The following PLA2G4A variants were observed in gnomAD, a reference collection of about 807,000 sequenced individuals.
PLA2G4A encodes cytosolic phospholipase A2.
In PLA2G4A, 40 loss-of-function variants were observed where a neutral mutation model predicts 81.9. That is an observed-to-expected ratio of 0.49 (90% confidence interval 0.38 to 0.64). PLA2G4A has a LOEUF of 0.64. PLA2G4A is among the 30% of genes least tolerant of loss of function. PLA2G4A has a pLI of 0.00. For synonymous variants in PLA2G4A, 302 were observed against 296.9 expected, an observed-to-expected ratio of 1.02 and a Z score of -0.18; for missense variants, 715 against 905.1, an observed-to-expected ratio of 0.79 and a Z score of 2.69.
intron 2 of PLA2G4A, among the ~76,000 whole-genome samples, chr1:186,860,467 T>G (rs1652758173): frequency 1.3e-5 from 2 of 152,146 alleles, no homozygotes; most frequent in African/African-American, 4.8e-5. Context: ...TTCTTCCTTC[T>G]TCCACCTCTG....
At chr1:186,916,011 G>A (rs138163093) in intron 7 of PLA2G4A, among the ~76,000 whole-genome samples, 1 of 152,046 alleles carries the variant, frequency 6.6e-6, no homozygotes, top group African/African-American at 2.4e-5. Flanking sequence ...ATCCTGTTAC[G>A]GTTCCTCCAC....
intron 14 of PLA2G4A, among the ~76,000 whole-genome samples, chr1:186,961,638 A>G (rs1254283784): frequency 2.0e-5 from 3 of 152,194 alleles, no homozygotes; most frequent in African/African-American, 7.2e-5. Flanking sequence ...GGATTTAAGA[A>G]AGGATAAAAG....
chr1:186,829,094 C>T (rs959700410), intron 1 of PLA2G4A, 59 bp downstream of exon 1: 5 of 152,262 alleles, frequency 3.3e-5, no homozygotes, highest in African/African-American at 9.6e-5. Flanking sequence ...TTCTCTCTCC[C>T]ACCCTCCTTA....
At chr1:186,845,938 GAA>G (rs1170059149) in intron 1 of PLA2G4A, among the ~76,000 whole-genome samples, 1 of 152,072 alleles carries the variant, frequency 6.6e-6, no homozygotes, top group Non-Finnish European at 1.5e-5. Context: ...AAGAAAGGAA[GAA>G]AAAAACCCTG....
At chr1:186,925,830 T>C (rs185159592) in intron 7 of PLA2G4A, among the ~76,000 whole-genome samples, 9 of 152,364 alleles carry the variant, frequency 5.9e-5, no homozygotes, top group Non-Finnish European at 1.0e-4. Context: ...TGTGACTGTT[T>C]TCTCCATTAG....
chr1:186,838,866 A>G (rs1170626917), intron 1 of PLA2G4A, among the ~76,000 whole-genome samples: 1 of 152,170 alleles, frequency 6.6e-6, no homozygotes, highest in Non-Finnish European at 1.5e-5. Flanking sequence ...GACCATCCAA[A>G]AAAAGGATCT....
rs2307198 is a variant in PLA2G4A at position 186,977,780 on chromosome 1, G to A, written c.1952G>A (p.Arg651Lys). 0.98 allele frequency: 1,569,901 copies of A among 1,606,522 alleles called. 767,153 individuals carry two copies. The highest frequency in any genetic ancestry group is 1 in the East Asian group (44,799 of 44,812). The change falls in exon 16 of 18, where the codon AGG becomes AAG. Residue 651 changes from arginine (R) to lysine (K), a missense_variant. Physicochemically the swap from Arg to Lys is conservative, Grantham distance 26 (BLOSUM62 2). Transcript: ENST00000367466. ...GCCAACATCAACTTCAGAAAGTACA[G>A]GGCTCCAGGTAAGTAGGGAGTAAGC... ...VLANINFRKY[R>K]APGVPRETEE...
At chr1:186,900,584 T>C (rs1254798605) in intron 5 of PLA2G4A, among the ~76,000 whole-genome samples, 2 of 152,190 alleles carry the variant, frequency 1.3e-5, no homozygotes, top group Non-Finnish European at 2.9e-5. Context: ...CAGTCACTCA[T>C]GACTGAATAT....
chr1:186,968,659 T>C (rs981338323), intron 15 of PLA2G4A, among the ~76,000 whole-genome samples: 1 of 151,958 alleles, frequency 6.6e-6, no homozygotes, highest in African/African-American at 2.4e-5. Flanking sequence ...TTTCAACTTT[T>C]AGATTATTGC....
chr1:186,937,020 ACTTTTATGT>A (rs1406472914), intron 8 of PLA2G4A, among the ~76,000 whole-genome samples: 12 of 79,216 alleles, frequency 1.5e-4, no homozygotes, highest in African/African-American at 1.3e-3. Flanking sequence ...CTGGGGTGAT[ACTTTTATGT>A]TTTTTTTTTT....
Position 186,946,654 on chromosome 1 carries a change from C to T in PLA2G4A, c.1051C>T (p.Pro351Ser). ...LMFADWVEFS[P>S]YEIGMAKYGT... ...ACTTTCAGATTGGGTTGAATTTAGT[C>T]CATACGAAATTGGCATGGCTAAATA... Residue 351 changes from proline to serine, a missense_variant, in exon 11 of 18, where the codon CCA becomes TCA. Physicochemically the swap from Pro to Ser is moderately conservative, Grantham distance 74. Transcript: ENST00000367466. The T allele has an allele frequency of 6.2e-7, 1 of 1,610,612 alleles. No individual in the cohort carries two copies. Among genetic ancestry groups the T allele is most frequent in the Non-Finnish European group, 8.5e-7 (1 of 1,177,146 alleles).
At chr1:186,915,727 T>C (rs1165966167) in intron 7 of PLA2G4A, among the ~76,000 whole-genome samples, 5 of 152,158 alleles carry the variant, frequency 3.3e-5, no homozygotes, top group African/African-American at 9.7e-5. Context: ...CCACACGATT[T>C]GCAGCTTTGG....
intron 1 of PLA2G4A, among the ~76,000 whole-genome samples, chr1:186,833,026 A>T (rs1314263432): frequency 1.3e-5 from 2 of 152,182 alleles, no homozygotes; most frequent in Admixed American, 6.5e-5. Flanking sequence ...TTCAGAGATG[A>T]TGGCCAAAAC....
At chr1:186,945,666 A>T (rs889871930) in intron 10 of PLA2G4A, among the ~76,000 whole-genome samples, 2 of 152,118 alleles carry the variant, frequency 1.3e-5, no homozygotes, top group Admixed American at 6.6e-5. Context: ...ATCAAGGGTA[A>T]TCCTGAAGTG....
chr1:186,939,756 G>A (rs1451644917), intron 9 of PLA2G4A, among the ~76,000 whole-genome samples: 1 of 152,124 alleles, frequency 6.6e-6, no homozygotes, highest in Non-Finnish European at 1.5e-5. Flanking sequence ...CAGTTCAGAT[G>A]TAGACATATA....
At chr1:186,908,557 T>C (rs1026021531) in intron 6 of PLA2G4A, among the ~76,000 whole-genome samples, 2 of 152,156 alleles carry the variant, frequency 1.3e-5, no homozygotes, top group Non-Finnish European at 1.5e-5. Flanking sequence ...ACATATACAA[T>C]AGGAAATTTT....
At chr1:186,950,834 ACGGAAGTGATAAAATTGTAGCTT>A in intron 13 of PLA2G4A, 106 bp downstream of exon 13, 1 of 725,076 alleles carries the variant, frequency 1.4e-6, no homozygotes, top group Non-Finnish European at 2.6e-6. Flanking sequence ...CACTTCAGAC[ACGGAAGTGATAAAATTGTAGCTT>A]TCTGTTGAGA....
At chr1:186,984,629 A>G (rs187273719) in intron 17 of PLA2G4A, among the ~76,000 whole-genome samples, 1 of 152,322 alleles carries the variant, frequency 6.6e-6, no homozygotes, top group African/African-American at 2.4e-5. Context: ...GTGTAGGTAC[A>G]AGTAAAAGTT....
chr1:186,868,457 G>A (rs975340315), intron 2 of PLA2G4A, among the ~76,000 whole-genome samples: 2 of 152,198 alleles, frequency 1.3e-5, no homozygotes, highest in Admixed American at 6.5e-5. Flanking sequence ...ATGTTCATGA[G>A]AAATATTGGC....
Sources: gnomAD v4.1 joint callset for allele counts (sites outside exome capture counted in the v4.1 genomes callset) on GRCh38, gnomAD v4.1.1 for gene constraint, MANE v1.5 for transcripts, NCBI Gene and HGNC (gene_info 2026-07-23, HGNC 2026-07-21) for gene names.